The following CLMP variants were observed in gnomAD, a reference collection of about 807,000 sequenced individuals.
The protein encoded by CLMP is CXADR-like membrane protein.
CLMP carries 27 observed loss-of-function variants against 45.2 expected under a neutral mutation model. The observed-to-expected ratio is 0.60, with a 90% CI of 0.44 to 0.82. The LOEUF is 0.82. Ranked by LOEUF, CLMP falls within the 40% of genes least tolerant of loss-of-function variation. CLMP has a pLI of 0.00. For synonymous variants in CLMP, 167 were observed against 171.4 expected (o/e 0.97, Z 0.20); for missense variants, 403 against 448.4 (o/e 0.90, Z 0.91).
intron 1 of CLMP, among the ~76,000 whole-genome samples, chr11:123,181,220 G>T (rs1317355675): frequency 6.6e-6 from 1 of 152,066 alleles, no homozygotes; most frequent in Non-Finnish European, 1.5e-5. Context: ...TCCCAACACC[G>T]CCACACAGCC....
chr11:123,133,581 A>AT (rs1861023410), intron 1 of CLMP, among the ~76,000 whole-genome samples: 1 of 152,122 alleles, frequency 6.6e-6, no homozygotes, highest in Non-Finnish European at 1.5e-5. Flanking sequence ...ACAAAACCCC[A>AT]TTGTAGTAGC....
intron 5 of CLMP, among the ~76,000 whole-genome samples, chr11:123,081,212 A>G (rs1865800675): frequency 1.3e-5 from 2 of 152,140 alleles, no homozygotes. Context: ...GGGTTAGGAA[A>G]ATGTTAAAAG....
intron 1 of CLMP, among the ~76,000 whole-genome samples, chr11:123,111,801 T>C (rs1591462672): frequency 6.6e-6 from 1 of 152,314 alleles, no homozygotes; most frequent in African/African-American, 2.4e-5. Context: ...GGTTAGGCAT[T>C]TGAGAGGAAC....
intron 1 of CLMP, among the ~76,000 whole-genome samples, chr11:123,149,623 C>G (rs1861284239): frequency 6.6e-6 from 1 of 152,076 alleles, no homozygotes; most frequent in African/African-American, 2.4e-5. Flanking sequence ...AGTTCTGTGT[C>G]CATTGCCAAA....
In CLMP at chr11:123,070,843, C is replaced by T. The variant is rs1220316831; in HGVS notation, c.*2631G>A. On this transcript the variant is annotated 3_prime_UTR_variant, in exon 7 of 7. Coordinates refer to ENST00000448775, the MANE Select transcript of CLMP (RefSeq NM_024769.5). ...CCAGTTCTCTTAAACCCATAGCAGA[C>T]ATTTATATGTTAATTCCTCAATGTC... 1.3e-5 allele frequency: 2 copies of T among 152,190 alleles called. No homozygotes were observed. Among genetic ancestry groups the T allele is most frequent in the Non-Finnish European group, 2.9e-5 (2 of 68,048 alleles). The allele number at this position is 152,190 out of a possible 1,614,324, so 9.4% of individuals were successfully genotyped here.
intron 1 of CLMP, among the ~76,000 whole-genome samples, chr11:123,106,574 C>T (rs1393452169): frequency 6.6e-6 from 1 of 151,984 alleles, no homozygotes; most frequent in African/African-American, 2.4e-5. Flanking sequence ...CAATTAATTC[C>T]CTGATTGCTC....
chr11:123,078,780 G>A (rs1472467625), intron 5 of CLMP, among the ~76,000 whole-genome samples: 2 of 151,976 alleles, frequency 1.3e-5, no homozygotes, highest in East Asian at 3.9e-4. Flanking sequence ...GAGTAGCTGG[G>A]ACTACAGGTG....
At chr11:123,119,694 G>GT (rs112632000) in intron 1 of CLMP, among the ~76,000 whole-genome samples, 34,210 of 149,146 alleles carry the variant, frequency 0.23, 4,008 homozygotes, top group Admixed American at 0.29. Flanking sequence ...TTATTTTGTT[G>GT]TTTTTTTTTT....
intron 1 of CLMP, among the ~76,000 whole-genome samples, chr11:123,108,417 C>T (rs12283776): frequency 0.1 from 15,620 of 152,178 alleles, 874 homozygotes; most frequent in East Asian, 0.16. Flanking sequence ...TCTCCTCCCA[C>T]CCCTCCAAGG....
chr11:123,103,899 G>A (rs1240518310), intron 1 of CLMP, among the ~76,000 whole-genome samples: 1 of 148,490 alleles, frequency 6.7e-6, no homozygotes, highest in Non-Finnish European at 1.5e-5. Flanking sequence ...GCGCAATCTC[G>A]GCTCACTGCA....
rs71057332 is a variant in CLMP, at chr11:123,106,424, TGCGCGCGC to T, written c.29-8480_29-8473del. Among the ~76,000 whole-genome samples, 441 of 90,826 alleles carry T rather than the reference TGCGCGCGC, an allele frequency of 4.9e-3. 2 individuals are homozygous for T. The highest frequency in any genetic ancestry group is 0.016 in the East Asian group (58 of 3,566). 59.6% of individuals were successfully genotyped at this position (90,826 alleles called of 152,430 possible). A position where few individuals can be genotyped will look rare whatever the true frequency, so the allele number is the denominator to read the frequency against. ...GTGTGTGTGTGTGTGTGTGTGTGTGTGCGCGCGCGCGCGCGCACGTGCCTGCCTTCCAG... is the reference window on the plus strand; with the variant it reads ...GTGTGTGTGTGTGTGTGTGTGTGTGTGCGCGCGCACGTGCCTGCCTTCCAG... On this transcript the variant is annotated intron_variant, in intron 1 of 6. Transcript: ENST00000448775.
At chr11:123,142,063 G>A (rs1322414858) in intron 1 of CLMP, among the ~76,000 whole-genome samples, 1 of 149,762 alleles carries the variant, frequency 6.7e-6, no homozygotes, top group East Asian at 2.0e-4. Flanking sequence ...CGGCCCACTG[G>A]ACCCTCGACC....
At chr11:123,096,038 A>T (rs138956468) in intron 2 of CLMP, among the ~76,000 whole-genome samples, 7 of 152,274 alleles carry the variant, frequency 4.6e-5, no homozygotes, top group Non-Finnish European at 8.8e-5. Flanking sequence ...GAGAGTATCA[A>T]ATCTAGGCTG....
intron 2 of CLMP, 65 bp from the exon 3 acceptor site, chr11:123,084,778 A>C: frequency 7.1e-7 from 1 of 1,410,150 alleles, no homozygotes; most frequent in Non-Finnish European, 1.0e-6. Context: ...TGATGGTGTG[A>C]AGAAGAGGAA....
rs565196157 is a variant in CLMP, at chr11:123,074,578, A to C, written c.821+124T>G. On this transcript the variant is annotated intron_variant, in intron 6 of 6. Coordinates refer to ENST00000448775, the MANE Select transcript of CLMP (RefSeq NM_024769.5). The stretch of plus-strand genomic sequence containing the variant: ...GTCCCTAGGCTGGAACTTCCTACCT[A>C]CCAGGATAATCCTTTTAACAGATTC... The C allele has an allele frequency of 2.3e-5, 23 of 994,540 alleles. No individual in the cohort carries two copies. In the South Asian group the frequency reaches 3.2e-4, roughly 14 times the overall value. The allele number at this position is 994,540 out of a possible 1,614,324, so 61.6% of individuals were successfully genotyped here. A position where few individuals can be genotyped will look rare whatever the true frequency, so the allele number is the denominator to read the frequency against.
intron 2 of CLMP, among the ~76,000 whole-genome samples, chr11:123,090,979 A>T (rs140467613): frequency 1.3e-3 from 204 of 152,334 alleles, no homozygotes; most frequent in Middle Eastern, 3.4e-3. Flanking sequence ...CTAGAAGGTC[A>T]GAGGCCAAAA....
intron 5 of CLMP, among the ~76,000 whole-genome samples, chr11:123,077,992 G>C (rs1302475269): frequency 6.6e-6 from 1 of 152,014 alleles, no homozygotes; most frequent in Non-Finnish European, 1.5e-5. Context: ...TGTAATCCTA[G>C]CTCCTCAGGA....
intron 2 of CLMP, among the ~76,000 whole-genome samples, chr11:123,093,456 C>T (rs1055585721): frequency 2.0e-5 from 3 of 152,112 alleles, no homozygotes; most frequent in Admixed American, 6.6e-5. Context: ...AAGCAATTCT[C>T]CTGCCTCAGT....
At chr11:123,128,949 TTGAC>T (rs1167542296) in intron 1 of CLMP, among the ~76,000 whole-genome samples, 2 of 152,132 alleles carry the variant, frequency 1.3e-5, no homozygotes, top group Non-Finnish European at 2.9e-5. Flanking sequence ...GTCAAAGAAA[TTGAC>T]TGCAGAAATA....
Sources: allele counts gnomAD v4.1 joint callset (sites outside exome capture counted in the v4.1 genomes callset), GRCh38; gene constraint gnomAD v4.1.1; transcripts MANE v1.5; gene names NCBI Gene and HGNC (gene_info 2026-07-23, HGNC 2026-07-21).